CALN1: variants seen among roughly 807,000 people sequenced by gnomAD.
CALN1 encodes the protein calneuron 1, also known as calcium-binding protein 8.
In CALN1, 17 loss-of-function variants were observed where a neutral mutation model predicts 30.6. The ratio of observed to expected loss-of-function variants is 0.56; its 90% CI spans 0.38 to 0.83. The LOEUF is 0.83. CALN1 is among the 40% of genes least tolerant of loss of function. The pLI is 0.00. For synonymous variants in CALN1, 156 were observed against 131.4 expected (o/e 1.19, Z -1.28); for missense variants, 291 against 354.9 (o/e 0.82, Z 1.45).
chr7:72,383,459 T>C (rs1472158379), intron 2 of CALN1, among the ~76,000 whole-genome samples: 1 of 152,172 alleles, frequency 6.6e-6, no homozygotes, highest in Non-Finnish European at 1.5e-5. Flanking sequence ...TGAGGAGGTA[T>C]CTCATTATGG....
chr7:72,441,494 A>G (rs1337390092), intron 1 of CALN1, among the ~76,000 whole-genome samples: 1 of 148,510 alleles, frequency 6.7e-6, no homozygotes, highest in Admixed American at 6.8e-5. Flanking sequence ...GCTACTTGGG[A>G]GGCTGAGGCA....
the CALN1 span, among the ~76,000 whole-genome samples, chr7:72,466,625 C>T: frequency 6.6e-6 from 1 of 152,002 alleles, no homozygotes; most frequent in Non-Finnish European, 1.5e-5. Context: ...CACTTGTAAT[C>T]CCAGCTACTC....
intron 5 of CALN1, among the ~76,000 whole-genome samples, chr7:71,965,435 G>A (rs1250257489): frequency 6.6e-6 from 1 of 152,188 alleles, no homozygotes; most frequent in East Asian, 1.9e-4. Flanking sequence ...CCAACCTTCT[G>A]TAAGGAAAAC....
chr7:72,195,314 A>G (rs1390940155), intron 3 of CALN1, among the ~76,000 whole-genome samples: 1 of 152,198 alleles, frequency 6.6e-6, no homozygotes, highest in East Asian at 1.9e-4. Context: ...ATTTAAATTC[A>G]GGCACATATT....
At chr7:72,124,610 C>T (rs1808612488) in intron 3 of CALN1, among the ~76,000 whole-genome samples, 1 of 151,954 alleles carries the variant, frequency 6.6e-6, no homozygotes, top group African/African-American at 2.4e-5. Context: ...TATGACCCTA[C>T]CACTGCACTC....
intron 1 of CALN1, among the ~76,000 whole-genome samples, chr7:72,408,302 G>A (rs1288930325): frequency 6.6e-6 from 1 of 150,950 alleles, no homozygotes; most frequent in Non-Finnish European, 1.5e-5. Context: ...TTAGTAGTGC[G>A]TGGTGGCTCA....
chr7:72,328,986 C>G (rs1253736241), intron 2 of CALN1, among the ~76,000 whole-genome samples: 2 of 152,258 alleles, frequency 1.3e-5, no homozygotes, highest in Non-Finnish European at 2.9e-5. Flanking sequence ...CGTAAGCCAA[C>G]GTGCCCAGCC....
chr7:72,428,809 G>A (rs915871749), intron 1 of CALN1, among the ~76,000 whole-genome samples: 2 of 152,186 alleles, frequency 1.3e-5, no homozygotes, highest in East Asian at 3.9e-4. Context: ...GACCAGCCTG[G>A]CCAACATGGC....
chr7:72,221,638 C>CG (rs1332950152), intron 3 of CALN1, among the ~76,000 whole-genome samples: 1 of 152,136 alleles, frequency 6.6e-6, no homozygotes, highest in African/African-American at 2.4e-5. Flanking sequence ...TGCCTGTAAT[C>CG]GCAGTACTCT....
At chr7:71,877,489 T>C (rs1033862421) in intron 5 of CALN1, among the ~76,000 whole-genome samples, 2 of 152,106 alleles carry the variant, frequency 1.3e-5, no homozygotes, top group Non-Finnish European at 2.9e-5. Context: ...ACATATAAGA[T>C]AAATATTTAG....
chr7:72,026,854 A>G (rs1801091409), intron 4 of CALN1, among the ~76,000 whole-genome samples: 1 of 152,238 alleles, frequency 6.6e-6, no homozygotes, highest in African/African-American at 2.4e-5. Flanking sequence ...AGAATGGCCC[A>G]GTCTACCTAG....
chr7:72,425,686 A>G (rs914510688), intron 1 of CALN1, among the ~76,000 whole-genome samples: 1 of 152,108 alleles, frequency 6.6e-6, no homozygotes, highest in Admixed American at 6.5e-5. Context: ...TTACCATCTC[A>G]TCTGAGTCTC....
Position 72,153,167 on chromosome 7 carries a change from G to A in CALN1, c.245-46873C>T, listed in dbSNP as rs964908991. Among the ~76,000 whole-genome samples the A allele has an allele frequency of 6.6e-5, 10 of 152,098 alleles. 1 individual carries two copies. The highest frequency in any genetic ancestry group is 1.7e-4 in the African/African-American group (7 of 41,412). On this transcript the variant is annotated intron_variant, in intron 3 of 6. Coordinates refer to ENST00000395275, the MANE Select transcript of CALN1 (RefSeq NM_031468.4). ...TTCTGTTCCAAGAAGAGTATTTAAG[G>A]ATCTTCCTCTAACACCCCTTGGCTG...
intron 2 of CALN1, among the ~76,000 whole-genome samples, chr7:72,280,044 AACTC>A (rs997848237): frequency 3.9e-5 from 6 of 152,236 alleles, no homozygotes; most frequent in Non-Finnish European, 7.3e-5. Context: ...GTTGTTCTAG[AACTC>A]CAGCATCCTA....
intron 5 of CALN1, among the ~76,000 whole-genome samples, chr7:71,951,347 T>C (rs1343216282): frequency 6.6e-6 from 1 of 152,146 alleles, no homozygotes; most frequent in Non-Finnish European, 1.5e-5. Flanking sequence ...TCCCAGCACT[T>C]TGGGAGGCCG....
At chr7:72,227,667 T>C (rs911227934) in intron 3 of CALN1, among the ~76,000 whole-genome samples, 3 of 151,878 alleles carry the variant, frequency 2.0e-5, no homozygotes, top group African/African-American at 7.3e-5. Context: ...AGAGGTCCAA[T>C]CACATCCCAA....
chr7:72,477,459 C>A, the CALN1 span, among the ~76,000 whole-genome samples: 8 of 152,042 alleles, frequency 5.3e-5, no homozygotes, highest in Admixed American at 2.6e-4. Flanking sequence ...ACTCTGTCAC[C>A]CAGGCTGAGG....
chr7:72,263,234 A>G (rs1166588779), intron 3 of CALN1, among the ~76,000 whole-genome samples: 5 of 152,224 alleles, frequency 3.3e-5, no homozygotes, highest in African/African-American at 9.6e-5. Flanking sequence ...AGGAACAATA[A>G]TAGGAATAGT....
At chr7:72,139,427 T>C (rs1166007701) in intron 3 of CALN1, among the ~76,000 whole-genome samples, 2 of 138,846 alleles carry the variant, frequency 1.4e-5, no homozygotes, top group Non-Finnish European at 3.1e-5. Flanking sequence ...ACGCCCACCC[T>C]CTTCTACCCA....
Sources: gnomAD v4.1 joint callset for allele counts (sites outside exome capture counted in the v4.1 genomes callset) on GRCh38, gnomAD v4.1.1 for gene constraint, MANE v1.5 for transcripts, NCBI Gene and HGNC (gene_info 2026-07-23, HGNC 2026-07-21) for gene names.